SIMC1: variants seen among roughly 807,000 people sequenced by gnomAD.
SIMC1 encodes SUMO interacting motifs containing 1.
A neutral mutation model predicts 82.3 loss-of-function variants in SIMC1; 55 were observed. The observed-to-expected ratio is 0.67, with a 90% CI of 0.54 to 0.84. SIMC1 has a LOEUF of 0.84. Ranked by LOEUF, SIMC1 falls within the 40% of genes least tolerant of loss-of-function variation. The pLI is 0.00. For synonymous variants in SIMC1, 353 were observed against 426.3 expected, an observed-to-expected ratio of 0.83 and a Z score of 2.12; for missense variants, 915 against 1,107.2, an observed-to-expected ratio of 0.83 and a Z score of 2.46.
At chr5:176,306,570 A>G (rs1312642911) in intron 4 of SIMC1, among the ~76,000 whole-genome samples, 1 of 151,216 alleles carries the variant, frequency 6.6e-6, no homozygotes, top group Non-Finnish European at 1.5e-5. Context: ...CTGCACTAAG[A>G]AAAATTCCTC....
At position 176,313,852 on chromosome 5, in the gene SIMC1, A is replaced by G. The variant is rs1464392753; in HGVS notation, c.1889+7A>G. ...AGCAGCCCCACAATGTCAGGTAAGC[A>G]GCCACCTGAGCCCTCGGATGAGAAG... On this transcript the variant is annotated splice_region_variant and intron_variant, in intron 5 of 9. Coordinates refer to ENST00000429602, the MANE Select transcript of SIMC1 (RefSeq NM_001308195.2). The G allele has an allele frequency of 1.9e-5, 31 of 1,613,146 alleles. No homozygotes were observed. Among genetic ancestry groups the G allele is most frequent in the Non-Finnish European group, 2.6e-5 (31 of 1,179,836 alleles).
At chr5:176,275,780 A>G (rs1331094360) in intron 1 of SIMC1, among the ~76,000 whole-genome samples, 1 of 151,634 alleles carries the variant, frequency 6.6e-6, no homozygotes, top group East Asian at 1.9e-4. Context: ...ACATTTATTG[A>G]TTTCCGTATA....
At chr5:176,323,845 G>A (rs1190053178) in intron 6 of SIMC1, among the ~76,000 whole-genome samples, 3 of 152,002 alleles carry the variant, frequency 2.0e-5, no homozygotes, top group East Asian at 1.9e-4. Flanking sequence ...AAAAATAGCC[G>A]GGCATGGTGG....
At chr5:176,320,479 C>G (rs1233791689) in intron 5 of SIMC1, among the ~76,000 whole-genome samples, 1 of 152,004 alleles carries the variant, frequency 6.6e-6, no homozygotes, top group East Asian at 1.9e-4. Flanking sequence ...GGTGATCCTC[C>G]CACCTCAGCC....
intron 1 of SIMC1, chr5:176,263,514 G>C: frequency 6.8e-7 from 1 of 1,472,474 alleles, no homozygotes. Flanking sequence ...TATGTCTCAT[G>C]GTGAGAGAAG....
At chr5:176,329,146 A>G (rs527352853) in intron 7 of SIMC1, among the ~76,000 whole-genome samples, 25 of 152,292 alleles carry the variant, frequency 1.6e-4, no homozygotes, top group African/African-American at 4.8e-4. Context: ...TTACCTGTGT[A>G]GATTTTTATG....
At chr5:176,342,004 C>G (rs901490394) in intron 9 of SIMC1, among the ~76,000 whole-genome samples, 2 of 152,220 alleles carry the variant, frequency 1.3e-5, no homozygotes, top group African/African-American at 2.4e-5. Flanking sequence ...GTTTCCTCCC[C>G]CATAGACAGT....
intron 4 of SIMC1, among the ~76,000 whole-genome samples, chr5:176,307,894 G>A (rs115544306): frequency 6.6e-4 from 101 of 152,232 alleles, no homozygotes; most frequent in Non-Finnish European, 6.5e-4. Context: ...TCTAGATATA[G>A]ACCCAACAAA....
At chr5:176,266,297 C>A (rs1356311445) in intron 1 of SIMC1, among the ~76,000 whole-genome samples, 1 of 152,010 alleles carries the variant, frequency 6.6e-6, no homozygotes, top group Non-Finnish European at 1.5e-5. Flanking sequence ...GCTGGCGGAG[C>A]AAGAAATTAC....
At chr5:176,274,099 G>C (rs1014017906) in intron 1 of SIMC1, among the ~76,000 whole-genome samples, 50 of 148,646 alleles carry the variant, frequency 3.4e-4, no homozygotes, top group Non-Finnish European at 5.2e-4. Flanking sequence ...CACAATGGTT[G>C]AACTAGTTTA....
intron 1 of SIMC1, among the ~76,000 whole-genome samples, chr5:176,287,937 G>A (rs1338103541): frequency 6.6e-6 from 1 of 152,158 alleles, no homozygotes; most frequent in East Asian, 1.9e-4. Flanking sequence ...GATAGAGGAA[G>A]GGGTTAGTTT....
chr5:176,276,196 C>T (rs1425096610), intron 1 of SIMC1, among the ~76,000 whole-genome samples: 1 of 151,622 alleles, frequency 6.6e-6, no homozygotes, highest in African/African-American at 2.4e-5. Flanking sequence ...CTGGTTTAGT[C>T]TTAGGAGGGT....
At chr5:176,288,227 G>A (rs1399940246) in intron 1 of SIMC1, among the ~76,000 whole-genome samples, 1 of 152,144 alleles carries the variant, frequency 6.6e-6, no homozygotes, top group Non-Finnish European at 1.5e-5. Context: ...GGCCAACATG[G>A]TGAAACCTCA....
intron 4 of SIMC1, chr5:176,308,534 C>G (rs999661880): frequency 6.2e-7 from 1 of 1,603,830 alleles, no homozygotes; most frequent in African/African-American, 1.3e-5. Context: ...TTTCCTGTTT[C>G]ATAGAAGATA....
chr5:176,295,533 G>A (rs1401092499), intron 3 of SIMC1, among the ~76,000 whole-genome samples: 1 of 152,224 alleles, frequency 6.6e-6, no homozygotes, highest in Non-Finnish European at 1.5e-5. Flanking sequence ...TCATTCTGCA[G>A]CTCTACTTCG....
chr5:176,286,472 A>T (rs1763289379), intron 1 of SIMC1, among the ~76,000 whole-genome samples: 1 of 152,232 alleles, frequency 6.6e-6, no homozygotes, highest in African/African-American at 2.4e-5. Context: ...CTTATACCTT[A>T]TACAAAAATT....
chr5:176,325,659 C>T (rs1765362963), intron 7 of SIMC1, among the ~76,000 whole-genome samples: 1 of 152,092 alleles, frequency 6.6e-6, no homozygotes. Flanking sequence ...GCACTCTAGC[C>T]TGGGTGACAG....
intron 7 of SIMC1, among the ~76,000 whole-genome samples, chr5:176,325,710 C>A (rs979206312): frequency 3.2e-4 from 49 of 151,862 alleles, no homozygotes; most frequent in African/African-American, 1.1e-3. Context: ...AAATTAATTA[C>A]TTAATTAATT....
intron 4 of SIMC1, among the ~76,000 whole-genome samples, chr5:176,307,807 G>C (rs1764493024): frequency 6.6e-6 from 1 of 152,148 alleles, no homozygotes; most frequent in Admixed American, 6.5e-5. Context: ...AATATAAATA[G>C]TACAGGCACT....
Sources: gnomAD v4.1 joint callset for allele counts (sites outside exome capture counted in the v4.1 genomes callset) on GRCh38, gnomAD v4.1.1 for gene constraint, MANE v1.5 for transcripts, NCBI Gene and HGNC (gene_info 2026-07-23, HGNC 2026-07-21) for gene names.